Variants in GRIP1 observed in about 807,000 individuals in gnomAD.
GRIP1 encodes glutamate receptor interacting protein 1, also known as glutamate receptor-interacting protein 1.
In GRIP1, 45 loss-of-function variants were observed where a neutral mutation model predicts 129.9. That is an observed-to-expected ratio of 0.35 (90% CI 0.27 to 0.44). The LOEUF (loss-of-function observed/expected upper bound fraction) is 0.44, where lower values mean the gene tolerates loss of function less well. GRIP1 is among the 20% of genes least tolerant of loss of function. The pLI is 1.00. For missense variants in GRIP1, 1,196 were observed against 1,396.8 expected (o/e 0.86, Z 2.29); for synonymous variants, 530 against 520.8 (o/e 1.02, Z -0.24).
chr12:66,673,898 A>C (rs888522172), intron 1 of GRIP1, among the ~76,000 whole-genome samples: 10 of 152,244 alleles, frequency 6.6e-5, no homozygotes, highest in African/African-American at 2.4e-4. Flanking sequence ...TGAAATATCT[A>C]TTAAGTGCAT....
intron 17 of GRIP1, among the ~76,000 whole-genome samples, chr12:66,393,496 A>G (rs2056673862): frequency 6.6e-6 from 1 of 152,044 alleles, no homozygotes; most frequent in Non-Finnish European, 1.5e-5. Context: ...TCTAAGGTAC[A>G]CTGCAGCTCC....
At chr12:66,686,734 G>C (rs2136299569) in intron 1 of GRIP1, among the ~76,000 whole-genome samples, 1 of 152,304 alleles carries the variant, frequency 6.6e-6, no homozygotes, top group East Asian at 1.9e-4. Context: ...AAGGAGTTAA[G>C]TTTTCCATAT....
chr12:66,908,175 G>A (rs768208827), intron 1 of GRIP1, among the ~76,000 whole-genome samples: 15 of 152,044 alleles, frequency 9.9e-5, no homozygotes, highest in Non-Finnish European at 2.1e-4. Flanking sequence ...AGTCTTGGCC[G>A]AAAATACAGA....
At chr12:66,395,289 C>G (rs2056747017) in intron 16 of GRIP1, among the ~76,000 whole-genome samples, 1 of 152,150 alleles carries the variant, frequency 6.6e-6, no homozygotes, top group Admixed American at 6.5e-5. Context: ...ATTCCTTGGG[C>G]CTGGGAGCTG....
intron 2 of GRIP1, among the ~76,000 whole-genome samples, chr12:66,575,944 G>A (rs987688): frequency 0.25 from 37,264 of 151,998 alleles, 4,701 homozygotes; most frequent in Admixed American, 0.28. Flanking sequence ...ATATATTCAA[G>A]TTTCTAGAGT....
At chr12:67,029,056 G>A (rs1215939019) in intron 1 of GRIP1, among the ~76,000 whole-genome samples, 2 of 151,936 alleles carry the variant, frequency 1.3e-5, no homozygotes, top group African/African-American at 4.8e-5. Context: ...ATCACTTGAG[G>A]CCAGGGGTTC....
At chr12:66,955,484 T>C (rs1004704068) in intron 1 of GRIP1, among the ~76,000 whole-genome samples, 3 of 149,824 alleles carry the variant, frequency 2.0e-5, no homozygotes, top group South Asian at 2.1e-4. Flanking sequence ...ATATATATTA[T>C]AGTATATATT....
At chr12:66,455,864 T>C (rs915396087) in intron 10 of GRIP1, among the ~76,000 whole-genome samples, 1 of 152,202 alleles carries the variant, frequency 6.6e-6, no homozygotes, top group African/African-American at 2.4e-5. Flanking sequence ...ATCAGATACA[T>C]AATCTCATTT....
intron 1 of GRIP1, among the ~76,000 whole-genome samples, chr12:66,919,291 T>C (rs958803519): frequency 7.2e-5 from 11 of 152,204 alleles, no homozygotes; most frequent in African/African-American, 2.6e-4. Flanking sequence ...GAAAGCAGAG[T>C]TAGCAACTGG....
intron 1 of GRIP1, among the ~76,000 whole-genome samples, chr12:66,837,652 C>G (rs1288015282): frequency 6.6e-6 from 1 of 152,130 alleles, no homozygotes; most frequent in Non-Finnish European, 1.5e-5. Context: ...TAAGACAAAT[C>G]TATATGACTT....
At chr12:66,645,253 A>G (rs537384229) in intron 1 of GRIP1, among the ~76,000 whole-genome samples, 1 of 152,336 alleles carries the variant, frequency 6.6e-6, no homozygotes, top group South Asian at 2.1e-4. Context: ...TGAGGAAACT[A>G]AAGCCCAGAG....
At position 66,492,942 on chromosome 12, in the gene GRIP1, G is replaced by A. The variant is rs929896422; in HGVS notation, c.724+22677C>T. Among the ~76,000 whole-genome samples, 10 of 152,110 alleles carry A rather than the reference G, an allele frequency of 6.6e-5. 1 individual carries two copies. Among genetic ancestry groups the A allele is most frequent in the Non-Finnish European group, 1.3e-4 (9 of 68,022 alleles). ...GGAGAATCGCTTGAACTCGGAAGGC[G>A]GAGGTTGCAGTGAACCAAGACCATG... On this transcript the variant is annotated intron_variant, in intron 7 of 24. Transcript: ENST00000359742.
chr12:66,927,672 C>G (rs1160662095), intron 1 of GRIP1, among the ~76,000 whole-genome samples: 3 of 152,138 alleles, frequency 2.0e-5, no homozygotes, highest in Admixed American at 1.3e-4. Flanking sequence ...ATAGACTTAA[C>G]ATGTAAGAGG....
chr12:66,739,067 C>T (rs565442376), intron 1 of GRIP1, among the ~76,000 whole-genome samples: 4 of 152,176 alleles, frequency 2.6e-5, no homozygotes, highest in East Asian at 1.9e-4. Flanking sequence ...CCACAAACAC[C>T]GGGTCTATAA....
intron 20 of GRIP1, 70 bp downstream of exon 20, chr12:66,379,210 A>G: frequency 7.0e-7 from 1 of 1,432,756 alleles, no homozygotes; most frequent in South Asian, 1.1e-5. Context: ...CTGGAAGTAC[A>G]GAAGTTCAAA....
At chr12:66,487,273 T>G (rs1386921230) in intron 7 of GRIP1, among the ~76,000 whole-genome samples, 1 of 152,130 alleles carries the variant, frequency 6.6e-6, no homozygotes, top group African/African-American at 2.4e-5. Context: ...TCAGACTAAC[T>G]GAAACTCTCA....
intron 1 of GRIP1, among the ~76,000 whole-genome samples, chr12:66,991,780 A>C (rs1335445534): frequency 6.6e-6 from 1 of 152,246 alleles, no homozygotes; most frequent in Non-Finnish European, 1.5e-5. Context: ...GTATATTTTA[A>C]TCAATAGTAA....
At chr12:66,948,440 G>A (rs1350163078) in intron 1 of GRIP1, among the ~76,000 whole-genome samples, 1 of 152,166 alleles carries the variant, frequency 6.6e-6, no homozygotes, top group Non-Finnish European at 1.5e-5. Context: ...GGAAGATACT[G>A]TGTCTTAAGG....
At chr12:66,578,950 G>C (rs1474055898) in intron 2 of GRIP1, among the ~76,000 whole-genome samples, 5 of 152,212 alleles carry the variant, frequency 3.3e-5, no homozygotes, top group Non-Finnish European at 7.3e-5. Flanking sequence ...CGGGCAGACT[G>C]CCTCCTCAAG....
Sources: allele counts gnomAD v4.1 joint callset (sites outside exome capture counted in the v4.1 genomes callset), GRCh38; gene constraint gnomAD v4.1.1; transcripts MANE v1.5; gene names NCBI Gene and HGNC (gene_info 2026-07-23, HGNC 2026-07-21).